The following SPNS2 variants were observed in gnomAD, a reference collection of about 807,000 sequenced individuals.
SPNS2 encodes sphingosine-1-phosphate transporter SPNS2.
SPNS2 carries 37 observed loss-of-function variants against 57.6 expected under a neutral mutation model. The observed-to-expected ratio is 0.64, with a 90% CI of 0.49 to 0.85. The LOEUF is 0.85. Among genes scored for constraint, SPNS2 ranks in the 40% least tolerant of loss-of-function variants. The probability of loss-of-function intolerance (pLI) is 0.00; values close to 1 mark genes in which losing one functional copy is unlikely to be tolerated. For missense variants in SPNS2, 831 were observed against 779.1 expected (o/e 1.07, Z -0.79); for synonymous variants, 440 against 346.9 (o/e 1.27, Z -2.98).
At chr17:4,506,181 C>T (rs1904672425) in intron 1 of SPNS2, among the ~76,000 whole-genome samples, 1 of 152,186 alleles carries the variant, frequency 6.6e-6, no homozygotes, top group Admixed American at 6.5e-5. Context: ...TCCCGCTCAC[C>T]TTCTGCACGT....
At chr17:4,523,472 A>C (rs886981677) in intron 2 of SPNS2, among the ~76,000 whole-genome samples, 35 of 151,140 alleles carry the variant, frequency 2.3e-4, no homozygotes, top group African/African-American at 8.0e-4. Context: ...TAACTATATC[A>C]ATAAATTTCT....
intron 9 of SPNS2, among the ~76,000 whole-genome samples, chr17:4,535,502 G>T (rs556595194): frequency 6.6e-6 from 1 of 152,222 alleles, no homozygotes; most frequent in South Asian, 2.1e-4. Context: ...CGTGACCCAG[G>T]TCCAAGGGCA....
At chr17:4,501,589 C>A (rs894030942) in intron 1 of SPNS2, among the ~76,000 whole-genome samples, 2 of 152,216 alleles carry the variant, frequency 1.3e-5, no homozygotes, top group African/African-American at 4.8e-5. Flanking sequence ...CAACACACAA[C>A]AGACACAGGT....
chr17:4,514,275 G>C (rs1179056608), intron 2 of SPNS2, among the ~76,000 whole-genome samples: 1 of 152,244 alleles, frequency 6.6e-6, no homozygotes, highest in Non-Finnish European at 1.5e-5. Flanking sequence ...AGTCCATCTG[G>C]CTGTGAGCCC....
chr17:4,535,530 G>A (rs1184394225), intron 9 of SPNS2, among the ~76,000 whole-genome samples: 2 of 152,224 alleles, frequency 1.3e-5, no homozygotes, highest in Admixed American at 6.5e-5. Context: ...AGGCACCCTG[G>A]TCTCAGGAAT....
chr17:4,529,075 ACAGG>A (rs907565008), intron 3 of SPNS2, among the ~76,000 whole-genome samples: 2 of 151,768 alleles, frequency 1.3e-5, no homozygotes, highest in African/African-American at 4.8e-5. Context: ...AGCTGGGATC[ACAGG>A]CACCCGCCAA....
In SPNS2 at chr17:4,538,757, TCACC is replaced by T; in HGVS notation, c.*1314_*1317del. The T allele has an allele frequency of 2.8e-6, 2 of 719,126 alleles. No individual in the cohort carries two copies. The highest frequency in any genetic ancestry group is 5.0e-6 in the Non-Finnish European group (2 of 400,528). 44.5% of individuals were successfully genotyped at this position (719,126 alleles called of 1,614,324 possible). A position where few individuals can be genotyped will look rare whatever the true frequency, so the allele number is the denominator to read the frequency against. On this transcript the variant is annotated 3_prime_UTR_variant, in exon 13 of 13. Transcript: ENST00000329078. ...AGTGGTGTGTAAGCAGGTGGAATAC[TCACC>T]CACCAAGCTCTGGGGTACCCCGAGG...
At chr17:4,500,838 G>T (rs541376337) in intron 1 of SPNS2, among the ~76,000 whole-genome samples, 1 of 151,764 alleles carries the variant, frequency 6.6e-6, no homozygotes, top group East Asian at 1.9e-4. Context: ...TTGGCTCTCT[G>T]TCCTTCCGCT....
Position 4,533,139 on chromosome 17 carries a change from C to T in SPNS2, c.1088+10C>T, listed in dbSNP as rs369503350. ...GTGGGGCCAAGGACAGGTGGGGCCC[C>T]GCGGGGTGGGCCCAGGGCTGGTGAG... On this transcript the variant is annotated intron_variant, in intron 7 of 12. Coordinates refer to ENST00000329078, the MANE Select transcript of SPNS2 (RefSeq NM_001124758.3). The T allele has an allele frequency of 5.0e-5, 80 of 1,602,470 alleles. No individual in the cohort carries two copies. The highest frequency in any genetic ancestry group is 1.0e-4 in the South Asian group (9 of 90,050).
rs149722380 is a variant in SPNS2 at position 4,534,334 on chromosome 17, G to A, written c.1344+481G>A. ...GACAAAGGGCTGTCTTGAGCGGCCAGCAGGGGCTTGTGTCCCTGGGTGGGG... is the reference window on the plus strand; with the variant it reads ...GACAAAGGGCTGTCTTGAGCGGCCAACAGGGGCTTGTGTCCCTGGGTGGGG... On this transcript the variant is annotated intron_variant, in intron 9 of 12. Coordinates refer to ENST00000329078, the MANE Select transcript of SPNS2 (RefSeq NM_001124758.3). 1,059 of 194,828 alleles carry A rather than the reference G, an allele frequency of 5.4e-3. 12 individuals carry two copies. Among genetic ancestry groups the A allele is most frequent in the African/African-American group, 0.022 (981 of 43,604 alleles). 12.1% of individuals were successfully genotyped at this position (194,828 alleles called of 1,614,324 possible).
Position 4,533,215 on chromosome 17 carries a change from C to T in SPNS2, c.1089-28C>T, listed in dbSNP as rs768711756. 1.9e-5 allele frequency: 30 copies of T among 1,582,258 alleles called. 1 individual carries two copies. Among genetic ancestry groups the T allele is most frequent in the Admixed American group, 1.4e-4 (8 of 57,900 alleles). On this transcript the variant is annotated intron_variant, in intron 7 of 12. Coordinates refer to ENST00000329078, the MANE Select transcript of SPNS2 (RefSeq NM_001124758.3). ...GCCTTAGCCCTGAGCCGCCTCAACT[C>T]GTGCGCCACCATCCTCTGTCCCCAC...
chr17:4,532,475 TC>T, intron 5 of SPNS2, 66 bp from the exon 6 acceptor site: 1 of 1,610,452 alleles, frequency 6.2e-7, no homozygotes, highest in South Asian at 1.1e-5. Flanking sequence ...CTTGCCTGAG[TC>T]CCTCCTTCTG....
chr17:4,529,769 CAG>C (rs1243712583), intron 3 of SPNS2, among the ~76,000 whole-genome samples: 1 of 152,078 alleles, frequency 6.6e-6, no homozygotes, highest in African/African-American at 2.4e-5. Context: ...GGAAGAGAAA[CAG>C]AGGCGAGGAG....
At chr17:4,516,353 CG>C (rs1904995568) in intron 2 of SPNS2, among the ~76,000 whole-genome samples, 5 of 134,368 alleles carry the variant, frequency 3.7e-5, no homozygotes, top group South Asian at 2.7e-4. Flanking sequence ...ACAAAAAAAC[CG>C]CTCATAGGTT....
At chr17:4,503,086 T>C (rs1205206733) in intron 1 of SPNS2, among the ~76,000 whole-genome samples, 1 of 152,152 alleles carries the variant, frequency 6.6e-6, no homozygotes, top group South Asian at 2.1e-4. Context: ...CTCTTCTAAA[T>C]CCTTCCTTGC....
intron 1 of SPNS2, among the ~76,000 whole-genome samples, chr17:4,500,766 G>A (rs1904470101): frequency 6.6e-6 from 1 of 152,106 alleles, no homozygotes; most frequent in South Asian, 2.1e-4. Flanking sequence ...CAAATGGAAG[G>A]GAAGAATTCT....
intron 9 of SPNS2, among the ~76,000 whole-genome samples, chr17:4,535,862 G>A (rs1162190867): frequency 6.6e-6 from 1 of 151,618 alleles, no homozygotes; most frequent in African/African-American, 2.4e-5. Flanking sequence ...GGGAGGAGAA[G>A]GGTGACTGGC....
rs758117327 is a variant in SPNS2, at chr17:4,538,921, C to T, written c.*1473C>T. 5.4e-5 allele frequency: 42 copies of T among 782,402 alleles called. No homozygotes were observed. The highest frequency in any genetic ancestry group is 1.4e-4 in the Admixed American group (8 of 59,014). The allele number at this position is 782,402 out of a possible 1,614,324, so 48.5% of individuals were successfully genotyped here. On this transcript the variant is annotated 3_prime_UTR_variant, in exon 13 of 13. Transcript: ENST00000329078. ...TCCGAGTGTTGCCTCCTCTTCCTTC[C>T]GGAAGCCAAACTGCTCCTTTATTTT...
At chr17:4,517,319 A>C (rs1442836739) in intron 2 of SPNS2, among the ~76,000 whole-genome samples, 2 of 152,194 alleles carry the variant, frequency 1.3e-5, no homozygotes, top group Non-Finnish European at 2.9e-5. Flanking sequence ...CAGAGCCTGC[A>C]TGGGACACGG....
Sources: gnomAD v4.1 joint callset for allele counts (sites outside exome capture counted in the v4.1 genomes callset) on GRCh38, gnomAD v4.1.1 for gene constraint, MANE v1.5 for transcripts, NCBI Gene and HGNC (gene_info 2026-07-23, HGNC 2026-07-21) for gene names.